ITGAM: variants seen among roughly 807,000 people sequenced by gnomAD.
ITGAM encodes integrin alpha-M.
Under a neutral mutation model 137.5 loss-of-function variants are expected in ITGAM, and 79 were observed. The ratio of observed to expected loss-of-function variants is 0.57; its 90% CI spans 0.48 to 0.69. ITGAM has a LOEUF of 0.69. Ranked by LOEUF, ITGAM falls within the 30% of genes least tolerant of loss-of-function variation. ITGAM has a pLI of 0.00. For synonymous variants in ITGAM, 583 were observed against 592.3 expected (o/e 0.98, Z 0.23); for missense variants, 1,343 against 1,483.5 (o/e 0.91, Z 1.56).
At chr16:31,286,826 T>C (rs1209288231) in intron 12 of ITGAM, among the ~76,000 whole-genome samples, 1 of 152,254 alleles carries the variant, frequency 6.6e-6, no homozygotes, top group Non-Finnish European at 1.5e-5. Context: ...TAGTTTCTTT[T>C]GCTCTACAGA....
Position 31,261,814 on chromosome 16 carries a change from G to A in ITGAM, c.134+17G>A, listed in dbSNP as rs1175973539. ...GGGATCCAGGTGAGACCCTTAGATG[G>A]AGCCCCCTTTCTCAGTGCTTTCTCT... On this transcript the variant is annotated intron_variant, in intron 2 of 29. Coordinates refer to ENST00000544665, the MANE Select transcript of ITGAM (RefSeq NM_000632.4). 3 of 1,536,178 alleles carry A rather than the reference G, an allele frequency of 2.0e-6. No homozygotes were observed. Among genetic ancestry groups the A allele is most frequent in the Non-Finnish European group, 2.7e-6 (3 of 1,113,618 alleles).
chr16:31,269,693 G>A (rs1182402636), intron 5 of ITGAM, among the ~76,000 whole-genome samples: 1 of 152,188 alleles, frequency 6.6e-6, no homozygotes, highest in Non-Finnish European at 1.5e-5. Flanking sequence ...CCCTGGGCAA[G>A]CAGGTCTGTT....
At chr16:31,320,588 G>C (rs2080438579) in intron 14 of ITGAM, among the ~76,000 whole-genome samples, 1 of 152,002 alleles carries the variant, frequency 6.6e-6, no homozygotes, top group Non-Finnish European at 1.5e-5. Context: ...ACCACTTTCA[G>C]CTCTTTCAAT....
At chr16:31,306,164 T>C (rs1374532133) in intron 14 of ITGAM, among the ~76,000 whole-genome samples, 1 of 152,178 alleles carries the variant, frequency 6.6e-6, no homozygotes, top group African/African-American at 2.4e-5. Flanking sequence ...ATAGCTATTA[T>C]ATGATTAATC....
At position 31,262,330 on chromosome 16, in the gene ITGAM, CCCTTCCATCCTT is replaced by C. The variant is rs1330567174; in HGVS notation, c.134+540_134+551del. 2.3e-3 allele frequency among the ~76,000 whole-genome samples: 271 copies of C among 118,870 alleles called. 4 individuals carry two copies. The highest frequency in any genetic ancestry group is 8.1e-3 in the African/African-American group (235 of 28,852). 78.0% of individuals were successfully genotyped at this position (118,870 alleles called of 152,430 possible). On this transcript the variant is annotated intron_variant, in intron 2 of 29. Transcript: ENST00000544665. ...CTTTCCCTCCTTCCCTCCCTTCCCT[CCCTTCCATCCTT>C]CCTTCCTTCCTTCCTTCCTTCCTTC... is the stretch of plus-strand genomic sequence containing the variant.
intron 14 of ITGAM, among the ~76,000 whole-genome samples, chr16:31,310,764 A>G (rs1295752221): frequency 3.3e-5 from 5 of 151,960 alleles, no homozygotes; most frequent in African/African-American, 1.2e-4. Flanking sequence ...GTAGGAGGAG[A>G]GGCGCTCTGA....
intron 12 of ITGAM, among the ~76,000 whole-genome samples, chr16:31,292,566 C>G (rs1300024145): frequency 6.6e-6 from 1 of 152,062 alleles, no homozygotes; most frequent in Non-Finnish European, 1.5e-5. Context: ...GCCTTCAGCT[C>G]CATCCATGTT....
At position 31,326,872 on chromosome 16, in the gene ITGAM, C is replaced by T. The variant is rs771895538; in HGVS notation, c.2645C>T (p.Thr882Met). The T allele has an allele frequency of 6.2e-6, 10 of 1,611,706 alleles. No homozygotes were observed. The highest frequency in any genetic ancestry group is 1.6e-4 in the Middle Eastern group (1 of 6,080). Residue 882 changes from threonine to methionine, a missense_variant, in exon 22 of 30, where the codon ACG becomes ATG. Thr to Met is a moderately conservative substitution (Grantham distance 81). Coordinates refer to ENST00000544665, the MANE Select transcript of ITGAM (RefSeq NM_000632.4). ...PENSEVTFNI[T>M]FDVDSKASLG... is the part of the protein sequence containing the mutation. ...TCACTCCAGGTCACCTTTAATATCA[C>T]GTTTGATGTAGACTCTAAGGCTTCC...
chr16:31,310,775 T>G (rs1054158692), intron 14 of ITGAM, among the ~76,000 whole-genome samples: 3 of 152,200 alleles, frequency 2.0e-5, no homozygotes, highest in Non-Finnish European at 4.4e-5. Context: ...GGCGCTCTGA[T>G]TTTTAGAGTT....
Position 31,324,922 on chromosome 16 carries a change from C to A in ITGAM, c.2290-36C>A. 1.6e-6 allele frequency: 2 copies of A among 1,261,892 alleles called. No individual in the cohort carries two copies. The highest frequency in any genetic ancestry group is 4.0e-5 in the Admixed American group (2 of 49,832). The allele number at this position is 1,261,892 out of a possible 1,614,324, so 78.2% of individuals were successfully genotyped here. A position where few individuals can be genotyped will look rare whatever the true frequency, so the allele number is the denominator to read the frequency against. ...TAATTTCACAATACTTGGTTATTTT[C>A]TTTCCTTTCATTTGATCATATTTAT... On this transcript the variant is annotated intron_variant, in intron 18 of 29. Transcript: ENST00000544665. The surrounding 1 kb of genome is among the most constrained non-coding windows in gnomAD (Gnocchi z 4.5).
chr16:31,291,764 C>T (rs554509159), intron 12 of ITGAM, among the ~76,000 whole-genome samples: 4 of 151,904 alleles, frequency 2.6e-5, no homozygotes, highest in Admixed American at 6.6e-5. Flanking sequence ...TAGAGAGTAG[C>T]ATGATGGGTT....
intron 12 of ITGAM, among the ~76,000 whole-genome samples, chr16:31,294,864 G>A (rs1006481679): frequency 5.3e-5 from 8 of 152,014 alleles, no homozygotes; most frequent in Non-Finnish European, 1.0e-4. Flanking sequence ...CAGGTCTTGT[G>A]TTTAAGTCTT....
At chr16:31,277,326 G>A (rs74654322) in intron 11 of ITGAM, among the ~76,000 whole-genome samples, 1 of 151,326 alleles carries the variant, frequency 6.6e-6, no homozygotes, top group African/African-American at 2.4e-5. Context: ...CTGAGTAGCT[G>A]GTATTACAAG....
chr16:31,268,901 C>G (rs1439300179), intron 5 of ITGAM, among the ~76,000 whole-genome samples: 1 of 152,144 alleles, frequency 6.6e-6, no homozygotes, highest in Admixed American at 6.5e-5. Flanking sequence ...TGTAACTGCC[C>G]AAGGGGTTCA....
At position 31,276,810 on chromosome 16, in the gene ITGAM, T is replaced by C. The variant is rs2079911728; in HGVS notation, c.1083+66T>C. The C allele has an allele frequency of 1.1e-5, 17 of 1,521,344 alleles. No individual in the cohort carries two copies. The South Asian group carries it at 1.8e-4, about 16-fold the overall frequency. The allele number at this position is 1,521,344 out of a possible 1,614,324, so 94.2% of individuals were successfully genotyped here. On this transcript the variant is annotated intron_variant, in intron 10 of 29. Coordinates refer to ENST00000544665, the MANE Select transcript of ITGAM (RefSeq NM_000632.4). Reference sequence around the variant, plus strand: ...GTAGCAAGAAGAGATAGGAGAGATGTGGGGGTTTGGGGACTCTTCTCTGTG... The same window carrying C: ...GTAGCAAGAAGAGATAGGAGAGATGCGGGGGTTTGGGGACTCTTCTCTGTG...
Position 31,331,748 on chromosome 16 carries a change from G to C in ITGAM, c.*41G>C. On this transcript the variant is annotated 3_prime_UTR_variant, in exon 30 of 30. Transcript: ENST00000544665. The stretch of plus-strand genomic sequence containing the variant: ...AGAGCTGCCTCTCGGTGGCCAGCAG[G>C]ACTCTGCCCAGACCACACGTAGCCC... 1 of 1,490,532 alleles carries C rather than the reference G, an allele frequency of 6.7e-7. No individual in the cohort carries two copies. The highest frequency in any genetic ancestry group is 9.1e-7 in the Non-Finnish European group (1 of 1,094,118). 92.3% of individuals were successfully genotyped at this position (1,490,532 alleles called of 1,614,324 possible). A position where few individuals can be genotyped will look rare whatever the true frequency, so the allele number is the denominator to read the frequency against.
chr16:31,327,423 C>CAA (rs71151472), intron 22 of ITGAM, among the ~76,000 whole-genome samples: 18,816 of 139,602 alleles, frequency 0.13, 1,316 homozygotes, highest in South Asian at 0.2. Context: ...CCTGTTTCTA[C>CAA]AAAAAAAAAA....
At chr16:31,292,037 A>AT (rs973100050) in intron 12 of ITGAM, among the ~76,000 whole-genome samples, 1 of 152,228 alleles carries the variant, frequency 6.6e-6, no homozygotes, top group Admixed American at 6.5e-5. Flanking sequence ...TTGTATAAAA[A>AT]TATCACATGT....
chr16:31,276,533 T>C, intron 9 of ITGAM, 138 bp from the exon 10 acceptor site: 1 of 623,984 alleles, frequency 1.6e-6, no homozygotes, highest in Non-Finnish European at 2.9e-6. Context: ...GGTTTCACCA[T>C]GTTCACCAGA....
Sources: gnomAD v4.1 joint callset for allele counts (sites outside exome capture counted in the v4.1 genomes callset) on GRCh38, gnomAD v4.1.1 for gene constraint, Gnocchi (gnomAD v3.1) non-coding constraint, MANE v1.5 for transcripts, NCBI Gene and HGNC (gene_info 2026-07-23, HGNC 2026-07-21) for gene names.